The following GNG7 variants were observed in gnomAD, a reference collection of about 807,000 sequenced individuals.
The protein encoded by GNG7 is G protein subunit gamma 7.
Under a neutral mutation model 4.0 loss-of-function variants are expected in GNG7, and 1 was observed. That is an observed-to-expected ratio of 0.25 (90% CI 0.09 to 1.18). The LOEUF (loss-of-function observed/expected upper bound fraction) is 1.18. Ranked by LOEUF, GNG7 falls within the 50% of genes most tolerant of loss-of-function variation. The probability of loss-of-function intolerance (pLI) is 0.50; values close to 1 mark genes in which losing one functional copy is unlikely to be tolerated. For synonymous variants in GNG7, 34 were observed against 36.9 expected (o/e 0.92, Z 0.29); for missense variants, 86 against 91.9 (o/e 0.94, Z 0.26).
chr19:2,662,698 C>G (rs12459502), intron 1 of GNG7, among the ~76,000 whole-genome samples: 49,242 of 151,976 alleles, frequency 0.32, 8,234 homozygotes, highest in East Asian at 0.55. Context: ...TCAAAGTTCT[C>G]CAAACCCCGT....
chr19:2,582,785 C>T (rs1335240632), intron 2 of GNG7, among the ~76,000 whole-genome samples: 2 of 150,626 alleles, frequency 1.3e-5, no homozygotes, highest in African/African-American at 2.4e-5. Flanking sequence ...TCTCCTGCCT[C>T]AGCTTCCCGA....
chr19:2,553,391 TATATAC>T (rs918545170), intron 3 of GNG7, among the ~76,000 whole-genome samples: 12 of 136,236 alleles, frequency 8.8e-5, no homozygotes, highest in African/African-American at 3.2e-4. Context: ...AGCATATATA[TATATAC>T]ATATATATAT....
intron 2 of GNG7, among the ~76,000 whole-genome samples, chr19:2,601,062 G>C (rs900305923): frequency 1.3e-5 from 2 of 152,044 alleles, no homozygotes; most frequent in Admixed American, 6.6e-5. Context: ...TTGAGCCCGG[G>C]AGTTTGAGGC....
Position 2,633,525 on chromosome 19 carries a change from G to A in GNG7, c.-78+12699C>T, listed in dbSNP as rs952688419. Among the ~76,000 whole-genome samples, 10 of 121,556 alleles carry A rather than the reference G, an allele frequency of 8.2e-5. No individual in the cohort carries two copies. The highest frequency in any genetic ancestry group is 1.9e-4 in the Non-Finnish European group (10 of 51,926). The allele number at this position is 121,556 out of a possible 152,430, so 79.7% of individuals were successfully genotyped here. A position where few individuals can be genotyped will look rare whatever the true frequency, so the allele number is the denominator to read the frequency against. On this transcript the variant is annotated intron_variant, in intron 2 of 4. Coordinates refer to ENST00000382159, the MANE Select transcript of GNG7 (RefSeq NM_052847.3). This position sits in a 1 kb window ranked among gnomAD's most constrained non-coding sequence, Gnocchi z 5.9. Reference sequence around the variant, plus strand: ...CACACACACACACACACACACACACGAGAGGTGGCTGTGGTCTGCACACTG... The same window carrying A: ...CACACACACACACACACACACACACAAGAGGTGGCTGTGGTCTGCACACTG...
At chr19:2,606,106 G>C (rs1981376634) in intron 2 of GNG7, among the ~76,000 whole-genome samples, 1 of 152,152 alleles carries the variant, frequency 6.6e-6, no homozygotes, top group Non-Finnish European at 1.5e-5. Flanking sequence ...GGAAGAGGCT[G>C]GGTGGCTCAC....
At chr19:2,667,507 A>G (rs1983340246) in intron 1 of GNG7, among the ~76,000 whole-genome samples, 2 of 151,570 alleles carry the variant, frequency 1.3e-5, no homozygotes, top group South Asian at 2.1e-4. Context: ...GGCCAGGTGC[A>G]GTGACTGACA....
At chr19:2,694,459 G>A (rs925784333) in intron 1 of GNG7, among the ~76,000 whole-genome samples, 1 of 150,950 alleles carries the variant, frequency 6.6e-6, no homozygotes, top group Non-Finnish European at 1.5e-5. Flanking sequence ...TCAGCACCCT[G>A]CAGTGCCCAG....
chr19:2,568,554 T>C (rs1473222578), intron 2 of GNG7, among the ~76,000 whole-genome samples: 1 of 148,554 alleles, frequency 6.7e-6, no homozygotes. Flanking sequence ...CACATATATA[T>C]ACACACATAT....
rs1331289966 is a variant in GNG7 at position 2,617,971 on chromosome 19, C to T, written c.-78+28253G>A. Among the ~76,000 whole-genome samples, 9 of 152,058 alleles carry T rather than the reference C, an allele frequency of 5.9e-5. No homozygotes were observed. The highest frequency in any genetic ancestry group is 1.7e-4 in the African/African-American group (7 of 41,392). On this transcript the variant is annotated intron_variant, in intron 2 of 4. Coordinates refer to ENST00000382159, the MANE Select transcript of GNG7 (RefSeq NM_052847.3). This position sits in a 1 kb window ranked among gnomAD's most constrained non-coding sequence, Gnocchi z 4.7. ...CTGGCCTCAAGTGATCCTCCCACCT[C>T]GGCCTCCCAAAGCGCTGAGATTACA...
intron 3 of GNG7, among the ~76,000 whole-genome samples, chr19:2,540,915 G>A (rs888521920): frequency 6.6e-6 from 1 of 152,204 alleles, no homozygotes; most frequent in Non-Finnish European, 1.5e-5. Flanking sequence ...CTCCCGGCTC[G>A]ATAAACCGAC....
intron 1 of GNG7, among the ~76,000 whole-genome samples, chr19:2,654,413 C>A (rs966231671): frequency 5.3e-5 from 8 of 152,004 alleles, no homozygotes; most frequent in Non-Finnish European, 1.0e-4. Context: ...GGGAGCTGAA[C>A]AGCATCCCTG....
chr19:2,580,984 T>G (rs746401965), intron 2 of GNG7, among the ~76,000 whole-genome samples: 1 of 151,940 alleles, frequency 6.6e-6, no homozygotes, highest in Non-Finnish European at 1.5e-5. Context: ...AGGATGGTCT[T>G]GAACTCCCGA....
At chr19:2,575,574 GACACGCAGGCACACGCAGACACGCAGGC>G (rs1980289212) in intron 2 of GNG7, among the ~76,000 whole-genome samples, 6 of 73,360 alleles carry the variant, frequency 8.2e-5, no homozygotes, top group South Asian at 3.5e-4. Flanking sequence ...GGCACACGCA[GACACGCAGGCACACGCAGACACGCAGGC>G]ACACGCAGGC....
chr19:2,603,934 TCTGCCTCCTGGGTTCACGCCATTCTC>T (rs1981292697), intron 2 of GNG7, among the ~76,000 whole-genome samples: 1 of 151,930 alleles, frequency 6.6e-6, no homozygotes, highest in Admixed American at 6.6e-5. Flanking sequence ...CACTGCAAGC[TCTGCCTCCTGGGTTCACGCCATTCTC>T]CTGCCTCAGC....
Position 2,653,768 on chromosome 19 carries a change from C to T in GNG7, c.-134-7488G>A, listed in dbSNP as rs1245172091. On this transcript the variant is annotated intron_variant, in intron 1 of 4. Transcript: ENST00000382159. The surrounding 1 kb of genome is among the most constrained non-coding windows in gnomAD (Gnocchi z 4.8). ...CCTGTCCTCATCCTTATGGGATCTT[C>T]AGATGGTGCCCTTGAGGCCCAGGGC... Among the ~76,000 whole-genome samples the T allele has an allele frequency of 1.3e-5, 2 of 152,182 alleles. No homozygotes were observed. The highest frequency in any genetic ancestry group is 1.9e-4 in the East Asian group (1 of 5,180).
In GNG7 at chr19:2,659,442, T is replaced by C. The variant is rs531805365; in HGVS notation, c.-134-13162A>G. 4.0e-5 allele frequency among the ~76,000 whole-genome samples: 6 copies of C among 149,958 alleles called. No homozygotes were observed. In the East Asian group the frequency reaches 1.2e-3, roughly 30 times the overall value. On this transcript the variant is annotated intron_variant, in intron 1 of 4. Coordinates refer to ENST00000382159, the MANE Select transcript of GNG7 (RefSeq NM_052847.3). ...CCATCTCTACTAAAAATACAAAAAT[T>C]AGCCAGGCATGGTGGCACTTGCCTG...
intron 3 of GNG7, among the ~76,000 whole-genome samples, chr19:2,550,344 A>C (rs926423523): frequency 6.6e-6 from 1 of 152,142 alleles, no homozygotes; most frequent in African/African-American, 2.4e-5. Context: ...CAGCCTCCTG[A>C]GTAGCTGGTA....
rs994581691 is a variant in GNG7, at chr19:2,609,295, G to C, written c.-78+36929C>G. The stretch of plus-strand genomic sequence containing the variant: ...CCACCTCAGTGTCCTGTGGAGCTGG[G>C]ACTACAGGCACGTACCACCCCACCC... On this transcript the variant is annotated intron_variant, in intron 2 of 4. Coordinates refer to ENST00000382159, the MANE Select transcript of GNG7 (RefSeq NM_052847.3). This position sits in a 1 kb window ranked among gnomAD's most constrained non-coding sequence, Gnocchi z 4.4. 6.6e-6 allele frequency among the ~76,000 whole-genome samples: 1 copy of C among 152,130 alleles called. No homozygotes were observed. The highest frequency in any genetic ancestry group is 6.6e-5 in the Admixed American group (1 of 15,256).
At chr19:2,675,674 G>A (rs756565982) in intron 1 of GNG7, among the ~76,000 whole-genome samples, 34 of 152,094 alleles carry the variant, frequency 2.2e-4, no homozygotes, top group Non-Finnish European at 4.1e-4. Context: ...AGATATTCCC[G>A]ACACTTGGGG....
Sources: allele counts gnomAD v4.1 joint callset (sites outside exome capture counted in the v4.1 genomes callset), GRCh38; gene constraint gnomAD v4.1.1; non-coding constraint Gnocchi (gnomAD v3.1); transcripts MANE v1.5; gene names NCBI Gene and HGNC (gene_info 2026-07-23, HGNC 2026-07-21).